Variants in KSR2 observed in about 807,000 individuals in gnomAD.
The protein encoded by KSR2 is kinase suppressor of ras 2.
KSR2 carries 25 observed loss-of-function variants against 107.8 expected under a neutral mutation model. That is an observed-to-expected ratio of 0.23 (90% CI 0.17 to 0.32). KSR2 has a LOEUF of 0.32. KSR2 is among the 10% of genes least tolerant of loss of function. The pLI, the probability that KSR2 is intolerant of heterozygous loss-of-function variation, is 1.00. For synonymous variants in KSR2, 480 were observed against 507.0 expected, an observed-to-expected ratio of 0.95 and a Z score of 0.71; for missense variants, 887 against 1,268.9, an observed-to-expected ratio of 0.70 and a Z score of 4.57.
intron 5 of KSR2, among the ~76,000 whole-genome samples, chr12:117,628,426 T>C (rs757622045): frequency 7.2e-5 from 11 of 152,180 alleles, no homozygotes; most frequent in Non-Finnish European, 1.6e-4. Context: ...TTCCTTTCTG[T>C]TTTTTAGTTT....
intron 5 of KSR2, among the ~76,000 whole-genome samples, chr12:117,583,614 C>T (rs963576788): frequency 2.6e-5 from 4 of 152,138 alleles, no homozygotes; most frequent in Non-Finnish European, 4.4e-5. Context: ...TAAATCTCAG[C>T]GAACTGTACT....
chr12:117,883,894 A>AAG (rs1555253694), intron 1 of KSR2, among the ~76,000 whole-genome samples: 5 of 147,790 alleles, frequency 3.4e-5, no homozygotes, highest in Non-Finnish European at 4.5e-5. Context: ...AAAAAAAAAA[A>AAG]GGAAATGAGG....
At chr12:117,499,974 T>C (rs1485206065) in intron 14 of KSR2, among the ~76,000 whole-genome samples, 1 of 152,142 alleles carries the variant, frequency 6.6e-6, no homozygotes, top group East Asian at 1.9e-4. Flanking sequence ...ATTGCTCCCT[T>C]CTGCCACTGG....
chr12:117,890,905 C>T (rs1894322534), intron 1 of KSR2: 1 of 152,164 alleles, frequency 6.6e-6, no homozygotes, highest in Non-Finnish European at 1.5e-5. Context: ...CCGAGAAGGG[C>T]TGCTGGATTC....
chr12:117,909,233 T>C (rs995832699), intron 1 of KSR2, among the ~76,000 whole-genome samples: 1 of 152,182 alleles, frequency 6.6e-6, no homozygotes, highest in Non-Finnish European at 1.5e-5. Flanking sequence ...GAAAGGGGGC[T>C]CTTCAGCCTG....
At chr12:117,727,324 G>A (rs553587389) in intron 4 of KSR2, among the ~76,000 whole-genome samples, 1 of 152,080 alleles carries the variant, frequency 6.6e-6, no homozygotes, top group Non-Finnish European at 1.5e-5. Context: ...GCAGTGAGAC[G>A]TGAGTGCACC....
chr12:117,923,175 T>G (rs534607993), intron 1 of KSR2, among the ~76,000 whole-genome samples: 58 of 152,344 alleles, frequency 3.8e-4, no homozygotes, highest in Non-Finnish European at 3.8e-4. Context: ...GTTATAGTGC[T>G]GTTGGCTATG....
intron 16 of KSR2, 44 bp downstream of exon 16, chr12:117,484,372 A>G (rs765537350): frequency 6.2e-7 from 1 of 1,607,370 alleles, no homozygotes; most frequent in African/African-American, 1.3e-5. Context: ...CCTCCTGACC[A>G]TCATCTGTCA....
chr12:117,961,667 A>C lies in KSR2; in HGVS notation c.180+6409T>G, dbSNP rs565920466. Among the ~76,000 whole-genome samples the C allele has an allele frequency of 7.2e-5, 11 of 152,302 alleles. No homozygotes were observed. In the East Asian group the frequency reaches 2.1e-3, roughly 29 times the overall value. ...TTTCCTATCCTCCTCCCTTTCCACCAGCTGAATGTGGCCACGAGAGGAGCT... is the reference window on the plus strand; with the variant it reads ...TTTCCTATCCTCCTCCCTTTCCACCCGCTGAATGTGGCCACGAGAGGAGCT... On this transcript the variant is annotated intron_variant, in intron 1 of 19. Coordinates refer to ENST00000339824, the MANE Select transcript of KSR2 (RefSeq NM_173598.6).
At chr12:117,674,172 C>T in intron 4 of KSR2, 1 of 423,744 alleles carries the variant, frequency 2.4e-6, no homozygotes. Flanking sequence ...AATTTACATA[C>T]AGTATCAAAA....
chr12:117,666,219 C>A (rs888763931), intron 5 of KSR2, among the ~76,000 whole-genome samples: 5 of 152,320 alleles, frequency 3.3e-5, no homozygotes, highest in African/African-American at 1.2e-4. Flanking sequence ...CATAAACACC[C>A]ATGGGCTATA....
chr12:117,500,013 A>G (rs576527293), intron 14 of KSR2, among the ~76,000 whole-genome samples: 6 of 152,270 alleles, frequency 3.9e-5, no homozygotes, highest in African/African-American at 1.4e-4. Flanking sequence ...TCTGTTGGTC[A>G]GGTCCGTTGC....
chr12:117,502,432 T>C (rs1428451927), intron 14 of KSR2, among the ~76,000 whole-genome samples: 1 of 152,152 alleles, frequency 6.6e-6, no homozygotes, highest in Non-Finnish European at 1.5e-5. Flanking sequence ...TTTGAAATGC[T>C]CCAATAAGAA....
intron 18 of KSR2, 34 bp downstream of exon 18, chr12:117,471,157 C>T (rs1871430562): frequency 6.2e-7 from 1 of 1,610,062 alleles, no homozygotes; most frequent in Non-Finnish European, 8.5e-7. Flanking sequence ...TGTCTCCCCT[C>T]ATCCCCCAAG....
intron 5 of KSR2, among the ~76,000 whole-genome samples, chr12:117,666,884 T>C (rs916976500): frequency 2.0e-5 from 3 of 152,102 alleles, no homozygotes; most frequent in Non-Finnish European, 2.9e-5. Flanking sequence ...CAGCCCTCCA[T>C]CACCAAAAAG....
At chr12:117,871,518 G>A (rs1242356029) in intron 1 of KSR2, among the ~76,000 whole-genome samples, 1 of 151,924 alleles carries the variant, frequency 6.6e-6, no homozygotes, top group African/African-American at 2.4e-5. Context: ...AACTCAGGAG[G>A]CGGAGGTTGC....
At chr12:117,848,709 A>G (rs891836634) in intron 3 of KSR2, among the ~76,000 whole-genome samples, 11 of 140,026 alleles carry the variant, frequency 7.9e-5, no homozygotes, top group African/African-American at 2.7e-4. Context: ...AAGTGGAGAA[A>G]AGTGAGCTGG....
chr12:117,525,330 G>GCAGA, intron 13 of KSR2, 111 bp from the exon 14 acceptor site: 1 of 1,226,484 alleles, frequency 8.2e-7, no homozygotes, highest in Non-Finnish European at 1.1e-6. Context: ...ATCTCTACAT[G>GCAGA]CATTTGGAGC....
rs149553293 is a variant in KSR2, at chr12:117,870,670, G to A, written c.181-10239C>T. Among the ~76,000 whole-genome samples the A allele has an allele frequency of 1.5e-3, 235 of 152,310 alleles. 1 individual carries two copies. Among genetic ancestry groups the A allele is most frequent in the African/African-American group, 5.4e-3 (224 of 41,564 alleles). On this transcript the variant is annotated intron_variant, in intron 1 of 19. Transcript: ENST00000339824. ...CCCATACACTCATGTCCTACTTGTT[G>A]AAGGGGGATGTGGATTCTGGGGAGG...
Sources: gnomAD v4.1 joint callset for allele counts (sites outside exome capture counted in the v4.1 genomes callset) on GRCh38, gnomAD v4.1.1 for gene constraint, MANE v1.5 for transcripts, NCBI Gene and HGNC (gene_info 2026-07-23, HGNC 2026-07-21) for gene names.